NCF2: variants seen among roughly 807,000 people sequenced by gnomAD.
NCF2 encodes neutrophil cytosol factor 2.
Under a neutral mutation model 70.9 loss-of-function variants are expected in NCF2, and 45 were observed. The ratio of observed to expected loss-of-function variants is 0.63; its 90% confidence interval spans 0.50 to 0.81. The LOEUF is 0.81. Ranked by LOEUF, NCF2 falls within the 40% of genes least tolerant of loss-of-function variation. The pLI is 0.00. For synonymous variants in NCF2, 203 were observed against 233.6 expected (o/e 0.87, Z 1.19); for missense variants, 522 against 631.6 (o/e 0.83, Z 1.86).
intron 2 of NCF2, among the ~76,000 whole-genome samples, chr1:183,582,899 A>G (rs1673178149): frequency 6.6e-6 from 1 of 152,158 alleles, no homozygotes; most frequent in Admixed American, 6.5e-5. Flanking sequence ...CTTTTCAGAA[A>G]TGTGCTCTAA....
chr1:183,567,814 TAG>T (rs1351024136), intron 7 of NCF2, among the ~76,000 whole-genome samples: 2 of 151,764 alleles, frequency 1.3e-5, no homozygotes, highest in Non-Finnish European at 2.9e-5. Flanking sequence ...TGGGCCAGGA[TAG>T]AGAGACCGTG....
chr1:183,559,270 C>T, intron 14 of NCF2, among the ~76,000 whole-genome samples: 1 of 152,184 alleles, frequency 6.6e-6, no homozygotes, highest in Non-Finnish European at 1.5e-5. Flanking sequence ...TCAAGTGATC[C>T]TCCTACCTCA....
chr1:183,587,108 G>T (rs906711297), intron 1 of NCF2, 131 bp from the exon 2 acceptor site: 6 of 849,996 alleles, frequency 7.1e-6, no homozygotes, highest in Admixed American at 3.4e-5. Flanking sequence ...GCACCTCGAG[G>T]CCCACCCTGT....
chr1:183,599,736 A>G, the NCF2 span, among the ~76,000 whole-genome samples: 2 of 151,930 alleles, frequency 1.3e-5, no homozygotes, highest in African/African-American at 4.8e-5. Context: ...TATTTTTAGT[A>G]GAGACAGGGC....
intron 12 of NCF2, 52 bp downstream of exon 12, chr1:183,563,377 TCCAGG>T: frequency 3.1e-6 from 5 of 1,613,934 alleles, no homozygotes; most frequent in Non-Finnish European, 4.2e-6. Context: ...TCTTCCCTCC[TCCAGG>T]CCAGCACAAG....
At chr1:183,582,774 G>A (rs1285940596) in intron 2 of NCF2, among the ~76,000 whole-genome samples, 2 of 152,178 alleles carry the variant, frequency 1.3e-5, no homozygotes, top group African/African-American at 4.8e-5. Flanking sequence ...CATGCCCTAA[G>A]ATTCATAAGG....
At chr1:183,584,544 A>T (rs1224580247) in intron 2 of NCF2, among the ~76,000 whole-genome samples, 1 of 152,228 alleles carries the variant, frequency 6.6e-6, no homozygotes, top group Non-Finnish European at 1.5e-5. Flanking sequence ...GTGGCCTTCC[A>T]GATCCTGGGA....
the NCF2 span, among the ~76,000 whole-genome samples, chr1:183,601,735 G>A: frequency 1.3e-5 from 2 of 151,984 alleles, no homozygotes; most frequent in Non-Finnish European, 2.9e-5. Flanking sequence ...GCGGGCACCT[G>A]TAGTCTCACC....
At chr1:183,581,152 C>T (rs1673043754) in intron 2 of NCF2, among the ~76,000 whole-genome samples, 1 of 151,588 alleles carries the variant, frequency 6.6e-6, no homozygotes, top group African/African-American at 2.4e-5. Context: ...CATAGTGGTA[C>T]GTGCCTGTAG....
chr1:183,563,407 C>CCT, intron 12 of NCF2, 27 bp downstream of exon 12: 10 of 1,614,158 alleles, frequency 6.2e-6, no homozygotes, highest in Non-Finnish European at 8.5e-6. Flanking sequence ...CCACTGTACC[C>CCT]CTCACAGCTG....
chr1:183,598,640 G>A, the NCF2 span, among the ~76,000 whole-genome samples: 2 of 152,138 alleles, frequency 1.3e-5, no homozygotes, highest in Admixed American at 1.3e-4. Context: ...AGAGAAAGAA[G>A]AGCAGGGAGA....
intron 6 of NCF2, among the ~76,000 whole-genome samples, chr1:183,569,516 A>G (rs964361533): frequency 6.6e-6 from 1 of 152,232 alleles, no homozygotes; most frequent in Non-Finnish European, 1.5e-5. Flanking sequence ...TTCCCAGGAC[A>G]GTTTCCAAAA....
the NCF2 span, among the ~76,000 whole-genome samples, chr1:183,599,583 G>A: frequency 1.2e-4 from 17 of 140,750 alleles, no homozygotes; most frequent in South Asian, 3.4e-3. Flanking sequence ...ATGGAGTCTC[G>A]CTGTGTCACC....
At chr1:183,590,947 A>G (rs1208486697), upstream of NCF2, 1 of 161,700 alleles carries the variant, frequency 6.2e-6, no homozygotes, top group Admixed American at 5.9e-5. Context: ...CTCTTTCCCA[A>G]TTAATTATTT....
intron 3 of NCF2, among the ~76,000 whole-genome samples, chr1:183,576,912 G>A (rs867576664): frequency 2.6e-5 from 4 of 152,176 alleles, no homozygotes; most frequent in Non-Finnish European, 4.4e-5. Flanking sequence ...TTGGAAGTGG[G>A]AGGGGTGGGA....
chr1:183,564,048 G>A lies in NCF2; in HGVS notation c.1001-18C>T. On this transcript the variant is annotated intron_variant, in intron 10 of 14. Coordinates refer to ENST00000367535, the MANE Select transcript of NCF2 (RefSeq NM_000433.4). Reference sequence around the variant, plus strand: ...TTTCTGGCCTGAATGGAAAAAGTAGGGAGTAAAACAAAAGAAGATGGTGAA... The same window carrying A: ...TTTCTGGCCTGAATGGAAAAAGTAGAGAGTAAAACAAAAGAAGATGGTGAA... 6.2e-7 allele frequency: 1 copy of A among 1,607,364 alleles called. No homozygotes were observed.
intron 2 of NCF2, among the ~76,000 whole-genome samples, chr1:183,579,576 T>TA (rs1326678525): frequency 1.3e-5 from 2 of 150,594 alleles, no homozygotes; most frequent in Non-Finnish European, 3.0e-5. Context: ...AATAAAAAAA[T>TA]AAAAAAATAA....
At chr1:183,576,008 C>T (rs1289630015) in intron 3 of NCF2, among the ~76,000 whole-genome samples, 2 of 152,244 alleles carry the variant, frequency 1.3e-5, no homozygotes, top group East Asian at 1.9e-4. Context: ...GAACTCAGAT[C>T]GTTTAAAATT....
intron 2 of NCF2, among the ~76,000 whole-genome samples, chr1:183,583,150 C>T (rs1471275321): frequency 6.6e-6 from 1 of 152,030 alleles, no homozygotes; most frequent in East Asian, 1.9e-4. Flanking sequence ...CCTCCCAGGT[C>T]CAAGCTATTC....
Sources: gnomAD v4.1 joint callset for allele counts (sites outside exome capture counted in the v4.1 genomes callset) on GRCh38, gnomAD v4.1.1 for gene constraint, MANE v1.5 for transcripts, NCBI Gene and HGNC (gene_info 2026-07-23, HGNC 2026-07-21) for gene names.